Variants in DICER1 observed in about 807,000 individuals in gnomAD.
The protein encoded by DICER1 is endoribonuclease Dicer.
A neutral mutation model predicts 194.1 loss-of-function variants in DICER1; 43 were observed. The ratio of observed to expected loss-of-function variants is 0.22; its 90% CI spans 0.17 to 0.29. The LOEUF (loss-of-function observed/expected upper bound fraction) is 0.29. DICER1 is among the 10% of genes least tolerant of loss of function. The probability of loss-of-function intolerance (pLI) is 1.00; values close to 1 mark genes in which losing one functional copy is unlikely to be tolerated. For synonymous variants in DICER1, 832 were observed against 820.5 expected (o/e 1.01, Z -0.24); for missense variants, 1,608 against 2,317.0 (o/e 0.69, Z 6.28).
intron 24 of DICER1, among the ~76,000 whole-genome samples, chr14:95,092,400 C>T (rs189946559): frequency 6.3e-4 from 96 of 152,096 alleles, no homozygotes; most frequent in African/African-American, 2.3e-3. Flanking sequence ...AAAATCAACA[C>T]AAATCATTTG....
At chr14:95,113,005 C>T in intron 12 of DICER1, 87 bp downstream of exon 12, 2 of 1,384,738 alleles carry the variant, frequency 1.4e-6, no homozygotes, top group Non-Finnish European at 2.1e-6. Context: ...TCAAATTTAC[C>T]TATAACTTGC....
chr14:95,093,022 C>T (rs990764268), intron 24 of DICER1, among the ~76,000 whole-genome samples: 3 of 152,154 alleles, frequency 2.0e-5, no homozygotes, highest in East Asian at 1.9e-4. Context: ...CTCGGCTCTG[C>T]GGCTAGACTT....
At chr14:95,143,904 T>C (rs924842075) in intron 1 of DICER1, among the ~76,000 whole-genome samples, 1 of 152,138 alleles carries the variant, frequency 6.6e-6, no homozygotes, top group Non-Finnish European at 1.5e-5. Context: ...AGAACTTAAA[T>C]ACTGGAGAAG....
At position 95,086,486 on chromosome 14, in the gene DICER1, T is replaced by C. The variant is rs2061230957; in HGVS notation, c.*4012A>G. On this transcript the variant is annotated 3_prime_UTR_variant, in exon 27 of 27. Transcript: ENST00000343455. ...CTATTTACAGCAGAAAAGCCAGAAA[T>C]TTACTTCCTGTTCACCTTTGCATTT... is the stretch of plus-strand genomic sequence containing the variant. The C allele has an allele frequency of 1.3e-5, 3 of 233,380 alleles. No individual in the cohort carries two copies. In the East Asian group the frequency reaches 1.8e-4, roughly 14 times the overall value. 14.5% of individuals were successfully genotyped at this position (233,380 alleles called of 1,614,324 possible). A position where few individuals can be genotyped will look rare whatever the true frequency, so the allele number is the denominator to read the frequency against.
chr14:95,153,310 T>C (rs1895637831), intron 1 of DICER1, among the ~76,000 whole-genome samples: 3 of 152,134 alleles, frequency 2.0e-5, no homozygotes, highest in Non-Finnish European at 2.9e-5. Flanking sequence ...GATTGTTATT[T>C]AGCATCTGTC....
At chr14:95,151,171 T>C (rs1410595487) in intron 1 of DICER1, among the ~76,000 whole-genome samples, 2 of 152,230 alleles carry the variant, frequency 1.3e-5, no homozygotes, top group Admixed American at 1.3e-4. Context: ...ATGTGTTATT[T>C]AGGGAAAGTT....
chr14:95,111,531 T>A, intron 13 of DICER1, 75 bp from the exon 14 acceptor site: 1 of 1,495,170 alleles, frequency 6.7e-7, no homozygotes, highest in Non-Finnish European at 9.3e-7. Flanking sequence ...AGAACAGAAC[T>A]ATGTTAGAAG....
rs1207343810 is a variant in DICER1, at chr14:95,116,447, T to G, written c.1752+6A>C. The G allele has an allele frequency of 1.2e-6, 2 of 1,610,252 alleles. No homozygotes were observed. Among genetic ancestry groups the G allele is most frequent in the Admixed American group, 3.3e-5 (2 of 59,984 alleles). On this transcript the variant is annotated splice_donor_region_variant and intron_variant, in intron 10 of 26. Transcript: ENST00000343455. ...CTGCCGGCACATGTTAATATGTTGA[T>G]CTTACCTTTTCAATAGCTTTGTAGG...
rs1388170795 is a variant in DICER1 at position 95,094,140 on chromosome 14, T to C, written c.5112A>G (p.Leu1704=). The change falls in exon 24 of 27, where the codon TTA becomes TTG. Residue 1704 remains leucine (L), a synonymous_variant. Coordinates refer to ENST00000343455, the MANE Select transcript of DICER1 (RefSeq NM_177438.3). ...CCAAAATCGCATCTCCCAGGAATTC[T>C]AAGCGCTGGTAACAATCTGAGGGGA... ...YNTITDCYQR[L]EFLGDAILDY... is the part of the protein sequence containing the mutation. The C allele has an allele frequency of 2.8e-5, 45 of 1,614,182 alleles. No individual in the cohort carries two copies. The highest frequency in any genetic ancestry group is 3.8e-5 in the Non-Finnish European group (45 of 1,180,028).
chr14:95,131,367 A>G (rs1893933837), intron 4 of DICER1, 142 bp downstream of exon 4: 4 of 780,500 alleles, frequency 5.1e-6, no homozygotes, highest in South Asian at 4.5e-5. Context: ...GATATAGTAC[A>G]TCAGGACTAG....
intron 17 of DICER1, 101 bp downstream of exon 17, chr14:95,107,506 TC>T (rs1891537228): frequency 8.4e-7 from 1 of 1,191,154 alleles, no homozygotes; most frequent in Non-Finnish European, 1.3e-6. Flanking sequence ...CGCCTTGGCC[TC>T]CCAAAGTGCT....
In DICER1 at chr14:95,124,279, C is replaced by T. The variant is rs552975520; in HGVS notation, c.1293G>A (p.Glu431=). Residue 431 remains glutamate, a synonymous_variant, in exon 8 of 27, where the codon GAG becomes GAA. Coordinates refer to ENST00000343455, the MANE Select transcript of DICER1 (RefSeq NM_177438.3). This position sits in a 1 kb window ranked among gnomAD's most constrained non-coding sequence, Gnocchi z 4.5. ...TGGTAAAAGGAGAAGGAAAATTTGT[C>T]TCTGGCTTCTCTTTTTCTTCAATTT... ...DEEIEEKEKP[E]TNFPSPFTNI... 6.2e-7 allele frequency: 1 copy of T among 1,613,976 alleles called. No individual in the cohort carries two copies. The highest frequency in any genetic ancestry group is 1.3e-5 in the African/African-American group (1 of 75,048).
intron 1 of DICER1, chr14:95,136,766 A>G (rs533133796): frequency 6.6e-6 from 1 of 152,360 alleles, no homozygotes; most frequent in Admixed American, 6.5e-5. Flanking sequence ...CTGCAATTAC[A>G]CTACACAGAC....
chr14:95,112,266 T>C lies in DICER1; in HGVS notation c.2041-19A>G, dbSNP rs377578297. 1.9e-6 allele frequency: 3 copies of C among 1,608,192 alleles called. No homozygotes were observed. The South Asian group carries it at 3.3e-5, about 18-fold the overall frequency. ...GTGGACCCTGAAAATAACAAAAACC[T>C]TTCCATTATATATGCACATCGCTGT... is the stretch of plus-strand genomic sequence containing the variant. On this transcript the variant is annotated intron_variant, in intron 12 of 26. Coordinates refer to ENST00000343455, the MANE Select transcript of DICER1 (RefSeq NM_177438.3).
intron 6 of DICER1, 137 bp from the exon 7 acceptor site, chr14:95,126,885 G>T: frequency 4.8e-6 from 3 of 630,312 alleles, no homozygotes; most frequent in South Asian, 1.9e-5. Flanking sequence ...TTAGCAGTGG[G>T]GTGAGATTTT....
rs2140125149 is a variant in DICER1 at position 95,116,610 on chromosome 14, T to C, written c.1595A>G (p.Asn532Ser). ...GGGCAAATCAAAACGAACCACCAAG[T>C]TGCATTTTGGTATATCAACACCCTC... is the stretch of plus-strand genomic sequence containing the variant. ...VEEGVDIPKC[N>S]LVVRFDLPTE... is the part of the protein sequence containing the mutation. Residue 532 changes from asparagine to serine, a missense_variant, in exon 10 of 27, where the codon AAC becomes AGC. Asn to Ser is a conservative substitution (Grantham distance 46). This residue lies in a region of DICER1 where 657 missense variants were observed against 910.1 expected (regional missense o/e 0.72). Transcript: ENST00000343455. 6.2e-7 allele frequency: 1 copy of C among 1,613,928 alleles called. No individual in the cohort carries two copies. Among genetic ancestry groups the C allele is most frequent in the Non-Finnish European group, 8.5e-7 (1 of 1,179,922 alleles).
At chr14:95,123,681 C>T (rs999577468) in intron 8 of DICER1, among the ~76,000 whole-genome samples, 4 of 152,148 alleles carry the variant, frequency 2.6e-5, no homozygotes, top group Admixed American at 2.0e-4. Flanking sequence ...GCTGGAATTA[C>T]AGGCACAACC....
chr14:95,116,838 A>G, intron 9 of DICER1, 143 bp from the exon 10 acceptor site: 1 of 829,442 alleles, frequency 1.2e-6, no homozygotes, highest in South Asian at 1.5e-5. Flanking sequence ...AGGCTAAAGA[A>G]GATGACAGTA....
intron 1 of DICER1, among the ~76,000 whole-genome samples, chr14:95,149,841 T>C (rs563767138): frequency 1.3e-5 from 2 of 152,186 alleles, no homozygotes; most frequent in Non-Finnish European, 2.9e-5. Flanking sequence ...TTAGACACTT[T>C]TAAATTAAAA....
Sources: allele counts gnomAD v4.1 joint callset (sites outside exome capture counted in the v4.1 genomes callset), GRCh38; gene constraint gnomAD v4.1.1; regional missense constraint gnomAD v4.1.1; non-coding constraint Gnocchi (gnomAD v3.1); transcripts MANE v1.5; gene names NCBI Gene and HGNC (gene_info 2026-07-23, HGNC 2026-07-21).